Variants in ADAMTS15 observed in about 807,000 individuals in gnomAD.
ADAMTS15 encodes the protein A disintegrin and metalloproteinase with thrombospondin motifs 15.
A neutral mutation model predicts 79.1 loss-of-function variants in ADAMTS15; 35 were observed. That is an observed-to-expected ratio of 0.44 (90% CI 0.34 to 0.59). The LOEUF (loss-of-function observed/expected upper bound fraction) is 0.59. ADAMTS15 is among the 20% of genes least tolerant of loss of function. The pLI is 0.02. For synonymous variants in ADAMTS15, 616 were observed against 567.3 expected (o/e 1.09, Z -1.22); for missense variants, 1,324 against 1,318.7 (o/e 1.00, Z -0.06).
rs959085833 is a variant in ADAMTS15, at chr11:130,449,271, C to T, written c.298C>T (p.Arg100Cys). ...CACCGGGGGCTCTTCAGACCTGCGA[C>T]GCTGCTTCTATTCTGGGGACGTGAA... The part of the protein sequence containing the change: ...GLTGGSSDLR[R>C]CFYSGDVNAE... Residue 100 changes from arginine to cysteine, a missense_variant, in exon 1 of 8, where the codon CGC becomes TGC. Transcript: ENST00000299164. This position sits in a 1 kb window ranked among gnomAD's most constrained non-coding sequence, Gnocchi z 7.8. 4 of 1,612,762 alleles carry T rather than the reference C, an allele frequency of 2.5e-6. No individual in the cohort carries two copies. The highest frequency in any genetic ancestry group is 2.5e-6 in the Non-Finnish European group (3 of 1,180,030).
At chr11:130,457,256 C>CTTGATTT in intron 1 of ADAMTS15, among the ~76,000 whole-genome samples, 1 of 150,706 alleles carries the variant, frequency 6.6e-6, no homozygotes, top group East Asian at 1.9e-4. Context: ...AGTTAATGTG[C>CTTGATTT]TTGATTTTTG....
At chr11:130,459,852 C>G (rs1019979778) in intron 1 of ADAMTS15, among the ~76,000 whole-genome samples, 3 of 152,264 alleles carry the variant, frequency 2.0e-5, no homozygotes, top group Admixed American at 6.5e-5. Context: ...CCCATGCCCC[C>G]TGGCTCCTGG....
At chr11:130,460,812 C>A (rs551452126) in intron 1 of ADAMTS15, among the ~76,000 whole-genome samples, 1 of 152,180 alleles carries the variant, frequency 6.6e-6, no homozygotes, top group Non-Finnish European at 1.5e-5. Flanking sequence ...CAGTACAAAA[C>A]GAGGGACCTT....
At chr11:130,470,181 T>TATATAC (rs1565397812) in intron 5 of ADAMTS15, among the ~76,000 whole-genome samples, 2 of 40,210 alleles carry the variant, frequency 5.0e-5, no homozygotes, top group African/African-American at 2.8e-4. Context: ...TATATATATA[T>TATATAC]GTGTGTATAT....
chr11:130,460,675 C>T (rs971397593), intron 1 of ADAMTS15, among the ~76,000 whole-genome samples: 2 of 152,276 alleles, frequency 1.3e-5, no homozygotes, highest in South Asian at 2.1e-4. Flanking sequence ...TTCTGGCCAA[C>T]GATGCTCAGT....
At chr11:130,470,182 GTGTGTATATATATA>G (rs1938414368) in intron 5 of ADAMTS15, among the ~76,000 whole-genome samples, 6 of 72,742 alleles carry the variant, frequency 8.2e-5, no homozygotes, top group Admixed American at 1.8e-4. Context: ...ATATATATAT[GTGTGTATATATATA>G]TATATATATA....
Position 130,462,396 on chromosome 11 carries a change from C to T in ADAMTS15, c.1259-101C>T. The T allele has an allele frequency of 2.0e-6, 3 of 1,499,944 alleles. No individual in the cohort carries two copies. The highest frequency in any genetic ancestry group is 2.6e-5 in the South Asian group (2 of 76,318). The allele number at this position is 1,499,944 out of a possible 1,614,324, so 92.9% of individuals were successfully genotyped here. On this transcript the variant is annotated intron_variant, in intron 3 of 7. Coordinates refer to ENST00000299164, the MANE Select transcript of ADAMTS15 (RefSeq NM_139055.4). The surrounding 1 kb of genome is among the most constrained non-coding windows in gnomAD (Gnocchi z 4.3). ...AGCCGGGCTCTGACATGAGTGCATT[C>T]CTGTTGCCCTTGGTTCATTATCCCC...
In ADAMTS15 at chr11:130,462,131, G is replaced by GA; in HGVS notation, c.1136dup (p.Val380GlyfsTer42). ...CCATGACAATGTGAAAGTCTGTGAG[G>GA]AGGTGTTTGGGAAGCTCCGAGCCAA... On this transcript the variant is annotated frameshift_variant, in exon 3 of 8. Transcript: ENST00000299164. LOFTEE classifies it high-confidence loss of function. This position sits in a 1 kb window ranked among gnomAD's most constrained non-coding sequence, Gnocchi z 4.3. The GA allele has an allele frequency of 6.2e-7, 1 of 1,614,108 alleles. No homozygotes were observed. Among genetic ancestry groups the GA allele is most frequent in the Non-Finnish European group, 8.5e-7 (1 of 1,180,024 alleles).
chr11:130,464,217 A>G (rs570418259), intron 4 of ADAMTS15, among the ~76,000 whole-genome samples: 29 of 152,202 alleles, frequency 1.9e-4, no homozygotes, highest in African/African-American at 6.8e-4. Flanking sequence ...GAGGATGCAG[A>G]GACAAGGTGA....
chr11:130,449,411 G>GGCGCA lies in ADAMTS15; in HGVS notation c.444_448dup (p.Asn150SerfsTer96), dbSNP rs1481185798. Reference sequence around the variant, plus strand: ...CGCTGCCCAATGCTAGCGCGCCGGCGGCGCAGCGCAACAGCCAGGGCGCAC... The same window carrying GGCGCA: ...CGCTGCCCAATGCTAGCGCGCCGGCGGCGCAGCGCAGCGCAACAGCCAGGGCGCAC... On this transcript the variant is annotated frameshift_variant, in exon 1 of 8. Transcript: ENST00000299164. LOFTEE classifies it high-confidence loss of function. The surrounding 1 kb of genome is among the most constrained non-coding windows in gnomAD (Gnocchi z 7.8). The GGCGCA allele has an allele frequency of 6.3e-7, 1 of 1,597,564 alleles. No individual in the cohort carries two copies. Among genetic ancestry groups the GGCGCA allele is most frequent in the Non-Finnish European group, 8.5e-7 (1 of 1,176,804 alleles).
At chr11:130,460,473 C>T (rs1053896390) in intron 1 of ADAMTS15, among the ~76,000 whole-genome samples, 9 of 152,112 alleles carry the variant, frequency 5.9e-5, no homozygotes, top group East Asian at 1.9e-4. Context: ...GATGGGGTTT[C>T]GCCATGTTGG....
In ADAMTS15 at chr11:130,473,820, G is replaced by A; in HGVS notation, c.2852G>A (p.Ter951=). The change falls in exon 8 of 8, where the codon TGA becomes TAA. Residue 951 remains the stop codon, a stop_retained_variant. Transcript: ENST00000299164. The part of the protein sequence containing the change: ...ELDFCVLRPC[*] ...GACTTCTGCGTCCTGAGGCCGTGCT[G>A]AGTGGGGTCATCGCTTTCTCCCCCT... The A allele has an allele frequency of 6.3e-7, 1 of 1,590,260 alleles. No individual in the cohort carries two copies. The highest frequency in any genetic ancestry group is 8.5e-7 in the Non-Finnish European group (1 of 1,174,004).
chr11:130,450,309 C>T, intron 1 of ADAMTS15: 2 of 985,462 alleles, frequency 2.0e-6, no homozygotes, highest in South Asian at 4.7e-5. Context: ...GAACGGCCCA[C>T]CCCTATTGTA....
At chr11:130,452,136 G>A (rs1316682742) in intron 1 of ADAMTS15, among the ~76,000 whole-genome samples, 1 of 103,868 alleles carries the variant, frequency 9.6e-6, no homozygotes. Flanking sequence ...TATCTCTGGG[G>A]GAAGGTACAG....
chr11:130,470,487 G>T (rs1938427976), intron 5 of ADAMTS15, among the ~76,000 whole-genome samples: 1 of 151,790 alleles, frequency 6.6e-6, no homozygotes, highest in Admixed American at 6.6e-5. Flanking sequence ...AAAGTGCTGG[G>T]ATTACAGGCA....
Position 130,473,397 on chromosome 11 carries a change from C to T in ADAMTS15, c.2429C>T (p.Ser810Phe). 1 of 1,612,814 alleles carries T rather than the reference C, an allele frequency of 6.2e-7. No homozygotes were observed. The highest frequency in any genetic ancestry group is 8.5e-7 in the Non-Finnish European group (1 of 1,179,996). ...AAAGAGCCTCGGGAGGACAAGTCCT[C>T]TCATCCCAAGGACCCCCGGGGACCC... is the stretch of plus-strand genomic sequence containing the variant. ...LPKEPREDKS[S>F]HPKDPRGPSV... The change falls in exon 8 of 8, where the codon TCT (serine) becomes TTT (phenylalanine). Residue 810 changes from serine to phenylalanine, a missense_variant. By Grantham distance (155) the Ser-to-Phe change is radical. Transcript: ENST00000299164.
chr11:130,462,404 C>T lies in ADAMTS15; in HGVS notation c.1259-93C>T, dbSNP rs559942715. The T allele has an allele frequency of 2.0e-6, 3 of 1,508,710 alleles. No individual in the cohort carries two copies. Among genetic ancestry groups the T allele is most frequent in the South Asian group, 2.6e-5 (2 of 76,872 alleles). 93.5% of individuals were successfully genotyped at this position (1,508,710 alleles called of 1,614,324 possible). ...TCTGACATGAGTGCATTCCTGTTGC[C>T]CTTGGTTCATTATCCCCTTACCATT... On this transcript the variant is annotated intron_variant, in intron 3 of 7. Transcript: ENST00000299164. This position sits in a 1 kb window ranked among gnomAD's most constrained non-coding sequence, Gnocchi z 4.3.
At chr11:130,457,626 A>C (rs1166524323) in intron 1 of ADAMTS15, among the ~76,000 whole-genome samples, 1 of 152,198 alleles carries the variant, frequency 6.6e-6, no homozygotes, top group Non-Finnish European at 1.5e-5. Flanking sequence ...TGGGTTAGGA[A>C]TACCTACACC....
At chr11:130,456,543 T>G (rs916359948) in intron 1 of ADAMTS15, among the ~76,000 whole-genome samples, 1 of 152,192 alleles carries the variant, frequency 6.6e-6, no homozygotes, top group Admixed American at 6.5e-5. Context: ...CAAACAGACA[T>G]GGATTTTGGG....
Sources: gnomAD v4.1 joint callset for allele counts (sites outside exome capture counted in the v4.1 genomes callset) on GRCh38, gnomAD v4.1.1 for gene constraint, Gnocchi (gnomAD v3.1) non-coding constraint, MANE v1.5 for transcripts, NCBI Gene and HGNC (gene_info 2026-07-23, HGNC 2026-07-21) for gene names.